The following XRCC6 variants were observed in gnomAD, a reference collection of about 807,000 sequenced individuals.
XRCC6 encodes the protein DNA repair protein Ku70.
Under a neutral mutation model 65.7 loss-of-function variants are expected in XRCC6, and 5 were observed. The ratio of observed to expected loss-of-function variants is 0.08; its 90% CI spans 0.04 to 0.16. XRCC6 has a LOEUF of 0.16. Ranked by LOEUF, XRCC6 falls within the 10% of genes least tolerant of loss-of-function variation. The pLI is 1.00. For synonymous variants in XRCC6, 270 were observed against 270.6 expected (o/e 1.00, Z 0.02); for missense variants, 447 against 738.1 (o/e 0.61, Z 4.57).
chr22:41,646,247 G>GAGCCGAGATC (rs1448124636), intron 6 of XRCC6, among the ~76,000 whole-genome samples: 1 of 151,696 alleles, frequency 6.6e-6, no homozygotes, highest in Admixed American at 6.6e-5. Context: ...AGGTTGCAGT[G>GAGCCGAGATC]AGCCGAGATC....
chr22:41,634,357 ATTT>A (rs1181951868), intron 3 of XRCC6, among the ~76,000 whole-genome samples: 1 of 151,480 alleles, frequency 6.6e-6, no homozygotes, highest in East Asian at 1.9e-4. Flanking sequence ...TGCCCAGCTA[ATTT>A]TTTTGTTTTT....
At chr22:41,654,092 C>T (rs1421016597) in intron 9 of XRCC6, among the ~76,000 whole-genome samples, 2 of 152,082 alleles carry the variant, frequency 1.3e-5, no homozygotes, top group Non-Finnish European at 2.9e-5. Flanking sequence ...TGAGGTATAG[C>T]GGAAAGACCA....
chr22:41,656,082 A>G (rs918972574), intron 9 of XRCC6, among the ~76,000 whole-genome samples: 15 of 151,528 alleles, frequency 9.9e-5, no homozygotes, highest in Non-Finnish European at 1.9e-4. Context: ...AATAAAAAAA[A>G]GTAGCCAAGT....
chr22:41,641,053 C>A (rs1047006218), intron 6 of XRCC6, among the ~76,000 whole-genome samples: 1 of 152,076 alleles, frequency 6.6e-6, no homozygotes, highest in Non-Finnish European at 1.5e-5. Context: ...CCAGCCTGGG[C>A]AACCCAGGGA....
chr22:41,639,898 T>A lies in XRCC6; in HGVS notation c.773+2107T>A, dbSNP rs529679115. On this transcript the variant is annotated intron_variant, in intron 6 of 12. Transcript: ENST00000360079. Reference sequence around the variant, plus strand: ...TGGTCTCGATCTCCTGACCTCGTGATCCGCCCGCCTCGGCCTCCCAAAGTG... The same window carrying A: ...TGGTCTCGATCTCCTGACCTCGTGAACCGCCCGCCTCGGCCTCCCAAAGTG... Among the ~76,000 whole-genome samples, 394 of 151,850 alleles carry A rather than the reference T, an allele frequency of 2.6e-3. 1 individual carries two copies. The highest frequency in any genetic ancestry group is 4.4e-3 in the Non-Finnish European group (302 of 67,922).
chr22:41,651,843 G>A (rs1442253873), intron 8 of XRCC6, among the ~76,000 whole-genome samples: 6 of 151,662 alleles, frequency 4.0e-5, no homozygotes, highest in Non-Finnish European at 8.8e-5. Context: ...GAGTGAAGTG[G>A]CGCAATCTCG....
intron 3 of XRCC6, among the ~76,000 whole-genome samples, chr22:41,629,711 C>T (rs1423583590): frequency 6.6e-6 from 1 of 151,948 alleles, no homozygotes; most frequent in African/African-American, 2.4e-5. Flanking sequence ...GCTCTGTCAC[C>T]CGGGCTGTAG....
At chr22:41,637,010 A>T (rs1220446403) in intron 5 of XRCC6, among the ~76,000 whole-genome samples, 4 of 152,010 alleles carry the variant, frequency 2.6e-5, no homozygotes, top group Non-Finnish European at 5.9e-5. Flanking sequence ...ATGCCTGTGT[A>T]ACATTAACAC....
intron 6 of XRCC6, among the ~76,000 whole-genome samples, chr22:41,645,355 A>C (rs944690446): frequency 1.3e-5 from 2 of 152,234 alleles, no homozygotes; most frequent in Admixed American, 6.5e-5. Flanking sequence ...GACCTTGACT[A>C]ATTTCAGCGT....
chr22:41,639,329 C>CTTTTTTTTTTTTTTTT lies in XRCC6; in HGVS notation c.773+1548_773+1563dup, dbSNP rs386395480. The stretch of plus-strand genomic sequence containing the variant: ...GGAACCAGATTGCTAGATTCTTTTT[C>CTTTTTTTTTTTTTTTT]TTTTTTTTTTTTTTTTTTTTTTTTT... On this transcript the variant is annotated intron_variant, in intron 6 of 12. Coordinates refer to ENST00000360079, the MANE Select transcript of XRCC6 (RefSeq NM_001469.5). Among the ~76,000 whole-genome samples, 83 of 64,584 alleles carry CTTTTTTTTTTTTTTTT rather than the reference C, an allele frequency of 1.3e-3. 15 individuals carry two copies. Among genetic ancestry groups the CTTTTTTTTTTTTTTTT allele is most frequent in the African/African-American group, 2.3e-3 (38 of 16,318 alleles). The allele number at this position is 64,584 out of a possible 152,430, so 42.4% of individuals were successfully genotyped here. A position where few individuals can be genotyped will look rare whatever the true frequency, so the allele number is the denominator to read the frequency against.
At position 41,637,634 on chromosome 22, in the gene XRCC6, A is replaced by G. The variant is rs1207467404; in HGVS notation, c.616A>G (p.Lys206Glu). Residue 206 changes from lysine to glutamate, a missense_variant, in exon 6 of 13, where the codon AAG (lysine) becomes GAG (glutamate). Lys to Glu is a moderately conservative substitution (Grantham distance 56, BLOSUM62 1). Around this residue, in one of 4 missense-constraint regions of XRCC6, gnomAD observed 228 missense variants for 307.4 expected, o/e 0.74. Coordinates refer to ENST00000360079, the MANE Select transcript of XRCC6 (RefSeq NM_001469.5). ...CATCTTCCTTGACTTGATGCACCTG[A>G]AGAAACCTGGGGGCTTTGACATATC... ...TGIFLDLMHL[K>E]KPGGFDISLF... 6.2e-7 allele frequency: 1 copy of G among 1,608,564 alleles called. No individual in the cohort carries two copies. The highest frequency in any genetic ancestry group is 1.7e-5 in the Admixed American group (1 of 59,240).
chr22:41,636,317 G>T, intron 4 of XRCC6, 66 bp downstream of exon 4: 2 of 1,525,994 alleles, frequency 1.3e-6, no homozygotes, highest in South Asian at 1.3e-5. Flanking sequence ...GATCAAAGAG[G>T]ACTGTGGAGA....
intron 7 of XRCC6, among the ~76,000 whole-genome samples, chr22:41,647,621 C>T (rs1222261805): frequency 1.3e-5 from 2 of 151,484 alleles, no homozygotes; most frequent in African/African-American, 4.8e-5. Context: ...GCTATGTTGC[C>T]TGGGCTGGTG....
At chr22:41,633,397 AT>A (rs200290321) in intron 3 of XRCC6, among the ~76,000 whole-genome samples, 1,756 of 138,676 alleles carry the variant, frequency 0.013, 32 homozygotes, top group African/African-American at 0.036. Flanking sequence ...CCGTGGACCT[AT>A]TTTTTTTTTT....
chr22:41,637,962 T>TA (rs132775), intron 6 of XRCC6, among the ~76,000 whole-genome samples, 171 bp downstream of exon 6: 98,693 of 131,134 alleles, frequency 0.75, 37,591 homozygotes, highest in African/African-American at 0.8. Context: ...TCTCTCTACC[T>TA]AAAAAAAAAA....
rs920294126 is a variant in XRCC6 at position 41,628,141 on chromosome 22, G to C, written c.106G>C (p.Asp36His). The change falls in exon 3 of 13, where the codon GAT (aspartate) becomes CAT (histidine). Residue 36 changes from aspartate to histidine, a missense_variant. By Grantham distance (81) the Asp-to-His change is moderately conservative. Around this residue, in one of 4 missense-constraint regions of XRCC6, gnomAD observed 228 missense variants for 307.4 expected, o/e 0.74. Transcript: ENST00000360079. The part of the protein sequence containing the change: ...ASGDYKYSGR[D>H]SLIFLVDASK... ...AGGAGACTATAAATATTCAGGAAGA[G>C]ATAGTTTGATTTTTTTGGTTGATGC... 2 of 1,613,498 alleles carry C rather than the reference G, an allele frequency of 1.2e-6. No homozygotes were observed. The highest frequency in any genetic ancestry group is 1.7e-6 in the Non-Finnish European group (2 of 1,179,738).
chr22:41,649,139 A>AAAAAAT, intron 7 of XRCC6, among the ~76,000 whole-genome samples: 5 of 88,710 alleles, frequency 5.6e-5, no homozygotes, highest in Non-Finnish European at 8.3e-5. Context: ...AAAAAAAAAA[A>AAAAAAT]ATATATATAT....
chr22:41,621,669 GGTCC>G (rs1454953266), intron 1 of XRCC6: 2 of 282,970 alleles, frequency 7.1e-6, no homozygotes, highest in African/African-American at 4.5e-5. Flanking sequence ...AGGACGAGGG[GGTCC>G]GTTAGTCAGC....
At chr22:41,641,697 C>T (rs2067879383) in intron 6 of XRCC6, among the ~76,000 whole-genome samples, 1 of 152,118 alleles carries the variant, frequency 6.6e-6, no homozygotes, top group Non-Finnish European at 1.5e-5. Flanking sequence ...TAAGAACATT[C>T]AAAGTTTGTC....
Sources: allele counts gnomAD v4.1 joint callset (sites outside exome capture counted in the v4.1 genomes callset), GRCh38; gene constraint gnomAD v4.1.1; regional missense constraint gnomAD v4.1.1; transcripts MANE v1.5; gene names NCBI Gene and HGNC (gene_info 2026-07-23, HGNC 2026-07-21).